TBC1D22A: variants seen among roughly 807,000 people sequenced by gnomAD.
TBC1D22A encodes the protein putative GTPase activator.
Under a neutral mutation model 60.2 loss-of-function variants are expected in TBC1D22A, and 38 were observed. The ratio of observed to expected loss-of-function variants is 0.63; its 90% confidence interval spans 0.49 to 0.83. TBC1D22A has a LOEUF of 0.83. Ranked by LOEUF, TBC1D22A falls within the 40% of genes least tolerant of loss-of-function variation. TBC1D22A has a pLI of 0.00. For synonymous variants in TBC1D22A, 302 were observed against 281.7 expected (o/e 1.07, Z -0.72); for missense variants, 628 against 701.0 (o/e 0.90, Z 1.18).
intron 11 of TBC1D22A, among the ~76,000 whole-genome samples, chr22:47,073,653 G>T (rs989669107): frequency 1.3e-5 from 2 of 152,196 alleles, no homozygotes; most frequent in Non-Finnish European, 2.9e-5. Flanking sequence ...CAGAAACAAG[G>T]CCTGACAGCC....
intron 12 of TBC1D22A, among the ~76,000 whole-genome samples, chr22:47,161,310 TG>T (rs1229038380): frequency 6.7e-6 from 1 of 149,210 alleles, no homozygotes; most frequent in Non-Finnish European, 1.5e-5. Context: ...GTCCATCTCC[TG>T]CCCACCCTGC....
chr22:46,858,384 C>T (rs994479534), intron 4 of TBC1D22A, among the ~76,000 whole-genome samples: 1 of 152,164 alleles, frequency 6.6e-6, no homozygotes, highest in African/African-American at 2.4e-5. Context: ...AAGTTGGCTG[C>T]CATGAGGACC....
chr22:47,145,789 T>C (rs1292872030), intron 12 of TBC1D22A, among the ~76,000 whole-genome samples: 1 of 152,194 alleles, frequency 6.6e-6, no homozygotes, highest in Non-Finnish European at 1.5e-5. Flanking sequence ...GTTTCCACAT[T>C]GTGTAACCTT....
intron 11 of TBC1D22A, among the ~76,000 whole-genome samples, chr22:47,079,068 G>A (rs1268532064): frequency 6.7e-6 from 1 of 149,278 alleles, no homozygotes; most frequent in African/African-American, 2.5e-5. Flanking sequence ...GTGGGTAAGT[G>A]AGAATGTAGA....
At chr22:46,916,887 C>G (rs1292246870) in intron 8 of TBC1D22A, among the ~76,000 whole-genome samples, 3 of 152,170 alleles carry the variant, frequency 2.0e-5, no homozygotes, top group Non-Finnish European at 2.9e-5. Context: ...AGAGATCGAT[C>G]ATGGAGAAGT....
rs1389879381 is a variant in TBC1D22A at position 46,797,500 on chromosome 22, A to T, written c.517A>T (p.Thr173Ser). Residue 173 changes from threonine (T) to serine (S), a missense_variant, in exon 4 of 13, where the codon ACC becomes TCC. Coordinates refer to ENST00000337137, the MANE Select transcript of TBC1D22A (RefSeq NM_014346.5). ...QRSQSLPHSA[T>S]VTLGGTSDPS... is the part of the protein sequence containing the mutation. ...GTCCCAGTCTCTCCCACACTCGGCCACCGTCACGCTGGGTGGCACATCTGA... is the reference window on the plus strand; with the variant it reads ...GTCCCAGTCTCTCCCACACTCGGCCTCCGTCACGCTGGGTGGCACATCTGA... 6.2e-7 allele frequency: 1 copy of T among 1,613,846 alleles called. No individual in the cohort carries two copies. Among genetic ancestry groups the T allele is most frequent in the South Asian group, 1.1e-5 (1 of 91,068 alleles).
chr22:47,026,265 A>G lies in TBC1D22A; in HGVS notation c.1202-10806A>G, dbSNP rs79713049. On this transcript the variant is annotated intron_variant, in intron 10 of 12. Transcript: ENST00000337137. ...GAGCATGTTCGATGTTTAAACCCAT[A>G]GCTGACATAATAGGAAAGGGAGGGT... Among the ~76,000 whole-genome samples the G allele has an allele frequency of 2.0e-3, 312 of 152,364 alleles. 5 individuals are homozygous for G. The highest frequency in any genetic ancestry group is 7.3e-3 in the African/African-American group (303 of 41,580).
chr22:46,990,890 C>T lies in TBC1D22A; in HGVS notation c.1126-6744C>T, dbSNP rs938087999. 5.9e-5 allele frequency among the ~76,000 whole-genome samples: 9 copies of T among 152,150 alleles called. No homozygotes were observed. Among genetic ancestry groups the T allele is most frequent in the African/African-American group, 1.2e-4 (5 of 41,430 alleles). On this transcript the variant is annotated intron_variant, in intron 9 of 12. Coordinates refer to ENST00000337137, the MANE Select transcript of TBC1D22A (RefSeq NM_014346.5). This position sits in a 1 kb window ranked among gnomAD's most constrained non-coding sequence, Gnocchi z 4.6. ...GGATGGCCTCCTCCTGCTGGTGTGC[C>T]GCTTTACTCTGCTGGTTGGCCCGTG...
At chr22:47,073,963 C>T (rs2064107998) in intron 11 of TBC1D22A, among the ~76,000 whole-genome samples, 1 of 152,104 alleles carries the variant, frequency 6.6e-6, no homozygotes, top group Admixed American at 6.5e-5. Flanking sequence ...CCTGATCTCT[C>T]TACAAAAATT....
At position 46,978,818 on chromosome 22, in the gene TBC1D22A, A is replaced by G. The variant is rs531967446; in HGVS notation, c.1125+4419A>G. On this transcript the variant is annotated intron_variant, in intron 9 of 12. Coordinates refer to ENST00000337137, the MANE Select transcript of TBC1D22A (RefSeq NM_014346.5). The stretch of plus-strand genomic sequence containing the variant: ...GAGACAGGGTTTCACTGTGTTGGCC[A>G]GGCTGGTCTCAAACTCCTGACCTCA... 2.6e-5 allele frequency among the ~76,000 whole-genome samples: 4 copies of G among 152,180 alleles called. No homozygotes were observed. The South Asian group carries it at 6.2e-4, about 24-fold the overall frequency.
At chr22:46,824,285 G>A (rs952800346) in intron 4 of TBC1D22A, among the ~76,000 whole-genome samples, 8 of 152,098 alleles carry the variant, frequency 5.3e-5, no homozygotes, top group Non-Finnish European at 1.0e-4. Context: ...TGCTTATGAA[G>A]GTGATTTGGA....
intron 10 of TBC1D22A, among the ~76,000 whole-genome samples, chr22:47,026,194 ACT>A (rs2062252444): frequency 6.6e-6 from 1 of 152,222 alleles, no homozygotes; most frequent in South Asian, 2.1e-4. Flanking sequence ...CTCAATGGAA[ACT>A]CTCAGTAAAC....
chr22:46,777,558 G>T lies in TBC1D22A; in HGVS notation c.62+14710G>T, dbSNP rs182873983. On this transcript the variant is annotated intron_variant, in intron 1 of 12. Transcript: ENST00000337137. This position sits in a 1 kb window ranked among gnomAD's most constrained non-coding sequence, Gnocchi z 4.5. ...AGAGCATGATTTTTCATAAGAGAAGGAAGGAGGACTGAGGACTCGGCTTTG... is the reference window on the plus strand; with the variant it reads ...AGAGCATGATTTTTCATAAGAGAAGTAAGGAGGACTGAGGACTCGGCTTTG... 6.6e-6 allele frequency among the ~76,000 whole-genome samples: 1 copy of T among 152,134 alleles called. No homozygotes were observed. Among genetic ancestry groups the T allele is most frequent in the African/African-American group, 2.4e-5 (1 of 41,410 alleles).
rs529317027 is a variant in TBC1D22A at position 46,800,386 on chromosome 22, C to T, written c.637+2766C>T. On this transcript the variant is annotated intron_variant, in intron 4 of 12. Transcript: ENST00000337137. Reference sequence around the variant, plus strand: ...AAAGGTAGATCGTGCTTACGGGAGTCTAGTCTTGTAGTTGACGTACCCATC... The same window carrying T: ...AAAGGTAGATCGTGCTTACGGGAGTTTAGTCTTGTAGTTGACGTACCCATC... Among the ~76,000 whole-genome samples the T allele has an allele frequency of 5.9e-5, 9 of 152,156 alleles. No individual in the cohort carries two copies. In the South Asian group the frequency reaches 1.9e-3, roughly 32 times the overall value.
intron 4 of TBC1D22A, among the ~76,000 whole-genome samples, chr22:46,827,393 C>T (rs572537821): frequency 2.0e-4 from 30 of 152,350 alleles, no homozygotes; most frequent in South Asian, 8.3e-4. Flanking sequence ...TTTTCACCAT[C>T]GGTGCAGCTT....
chr22:46,962,996 A>G (rs136097), intron 8 of TBC1D22A, among the ~76,000 whole-genome samples: 64,478 of 151,066 alleles, frequency 0.43, 15,889 homozygotes, highest in African/African-American at 0.69. Flanking sequence ...GGTGGATCAC[A>G]AGGTCAGGAG....
intron 11 of TBC1D22A, among the ~76,000 whole-genome samples, chr22:47,051,775 G>C (rs73888843): frequency 6.6e-6 from 1 of 152,086 alleles, no homozygotes; most frequent in Admixed American, 6.6e-5. Flanking sequence ...CCTTCCTCTC[G>C]CGCTCCTCTG....
At chr22:46,905,556 C>T (rs746471424) in intron 7 of TBC1D22A, among the ~76,000 whole-genome samples, 16 of 152,200 alleles carry the variant, frequency 1.1e-4, no homozygotes, top group Non-Finnish European at 2.2e-4. Flanking sequence ...GAGGAGGGCA[C>T]GGGGTGGCCG....
At chr22:46,869,389 C>T (rs2067204882) in intron 4 of TBC1D22A, among the ~76,000 whole-genome samples, 1 of 152,180 alleles carries the variant, frequency 6.6e-6, no homozygotes, top group Admixed American at 6.5e-5. Context: ...GACAGTGAGC[C>T]CCTTGAGGGA....
Sources: gnomAD v4.1 joint callset for allele counts (sites outside exome capture counted in the v4.1 genomes callset) on GRCh38, gnomAD v4.1.1 for gene constraint, Gnocchi (gnomAD v3.1) non-coding constraint, MANE v1.5 for transcripts, NCBI Gene and HGNC (gene_info 2026-07-23, HGNC 2026-07-21) for gene names.